The following LDLRAD4 variants were observed in gnomAD, a reference collection of about 807,000 sequenced individuals.
The protein encoded by LDLRAD4 is low-density lipoprotein receptor class A domain-containing protein 4.
A neutral mutation model predicts 17.0 loss-of-function variants in LDLRAD4; 5 were observed. That is an observed-to-expected ratio of 0.29 (90% CI 0.15 to 0.62). LDLRAD4 has a LOEUF of 0.62. Ranked by LOEUF, LDLRAD4 falls within the 20% of genes least tolerant of loss-of-function variation. The pLI is 0.84. For missense variants in LDLRAD4, 340 were observed against 424.7 expected (o/e 0.80, Z 1.75); for synonymous variants, 168 against 171.8 (o/e 0.98, Z 0.17).
At chr18:13,385,242 G>A (rs181463000) in intron 1 of LDLRAD4, among the ~76,000 whole-genome samples, 1 of 152,288 alleles carries the variant, frequency 6.6e-6, no homozygotes, top group Admixed American at 6.5e-5. Context: ...TAGAGATGTT[G>A]AGCATTTTTT....
intron 3 of LDLRAD4, among the ~76,000 whole-genome samples, chr18:13,485,437 A>T (rs1185102448): frequency 6.6e-6 from 1 of 152,198 alleles, no homozygotes; most frequent in Non-Finnish European, 1.5e-5. Context: ...GTTGGGCATG[A>T]TGACCCTGTC....
chr18:13,510,978 A>G (rs548995709), intron 3 of LDLRAD4, among the ~76,000 whole-genome samples: 44 of 152,348 alleles, frequency 2.9e-4, no homozygotes, highest in Non-Finnish European at 5.6e-4. Flanking sequence ...AAAAAATGGA[A>G]TTAAATTCAG....
chr18:13,630,153 GA>G (rs1301152618), intron 4 of LDLRAD4, among the ~76,000 whole-genome samples: 1 of 152,230 alleles, frequency 6.6e-6, no homozygotes, highest in African/African-American at 2.4e-5. Flanking sequence ...CCCAGAAATA[GA>G]AAGGATTCCC....
At chr18:13,352,880 T>C (rs2083127956) in intron 1 of LDLRAD4, among the ~76,000 whole-genome samples, 1 of 152,206 alleles carries the variant, frequency 6.6e-6, no homozygotes. Context: ...TCCTGTAATA[T>C]ATTTTTGAAA....
At chr18:13,514,621 T>G (rs2093835359) in intron 3 of LDLRAD4, 1 of 152,216 alleles carries the variant, frequency 6.6e-6, no homozygotes, top group Non-Finnish European at 1.5e-5. Context: ...ACTATTTAAA[T>G]TCCATATTTG....
At position 13,526,865 on chromosome 18, in the gene LDLRAD4, T is replaced by C. The variant is rs553825869; in HGVS notation, c.181+88481T>C. Among the ~76,000 whole-genome samples, 4 of 152,284 alleles carry C rather than the reference T, an allele frequency of 2.6e-5. No homozygotes were observed. In the South Asian group the frequency reaches 8.3e-4, roughly 32 times the overall value. Reference sequence around the variant, plus strand: ...GTGCTGGTCCAAAGTCCTCCCCTCCTCTCCTCCTCTCTTCCCCTTCTCTTC... The same window carrying C: ...GTGCTGGTCCAAAGTCCTCCCCTCCCCTCCTCCTCTCTTCCCCTTCTCTTC... On this transcript the variant is annotated intron_variant, in intron 3 of 5. Coordinates refer to ENST00000359446, the Ensembl canonical transcript of LDLRAD4.
At chr18:13,557,292 T>C (rs186327051) in intron 3 of LDLRAD4, among the ~76,000 whole-genome samples, 875 of 87,326 alleles carry the variant, frequency 0.01, 8 homozygotes, top group African/African-American at 0.029. Context: ...AGTGAGATCC[T>C]GTCTCAAAAG....
intron 1 of LDLRAD4, among the ~76,000 whole-genome samples, chr18:13,294,229 T>C (rs776671190): frequency 1.9e-4 from 29 of 152,214 alleles, no homozygotes; most frequent in Admixed American, 2.0e-4. Context: ...GAAGTGTGCA[T>C]GGGAAGTGCA....
At chr18:13,415,904 G>A (rs893339041) in intron 2 of LDLRAD4, among the ~76,000 whole-genome samples, 6 of 152,356 alleles carry the variant, frequency 3.9e-5, no homozygotes, top group South Asian at 2.1e-4. Context: ...TCAGTCCCAG[G>A]GGAGAGCCTT....
At chr18:13,596,707 C>T (rs1449079581) in intron 3 of LDLRAD4, among the ~76,000 whole-genome samples, 1 of 152,142 alleles carries the variant, frequency 6.6e-6, no homozygotes, top group Non-Finnish European at 1.5e-5. Context: ...TGAGAACAAG[C>T]ATCTATTTAT....
intron 3 of LDLRAD4, among the ~76,000 whole-genome samples, chr18:13,581,843 T>TGC (rs1192678026): frequency 1.3e-5 from 2 of 152,200 alleles, no homozygotes; most frequent in Non-Finnish European, 2.9e-5. Context: ...TGTGTGTGTG[T>TGC]GCACTGTACA....
chr18:13,610,927 C>T (rs2039491464), intron 3 of LDLRAD4, among the ~76,000 whole-genome samples: 1 of 152,114 alleles, frequency 6.6e-6, no homozygotes, highest in Non-Finnish European at 1.5e-5. Context: ...AGAATCATAC[C>T]ATCCGGATTT....
intron 1 of LDLRAD4, among the ~76,000 whole-genome samples, chr18:13,253,126 T>G (rs2043314356): frequency 6.6e-6 from 1 of 152,132 alleles, no homozygotes; most frequent in South Asian, 2.1e-4. Flanking sequence ...TGGGCCCCAG[T>G]CTCCGAGGAG....
chr18:13,582,839 A>C (rs2094882251), intron 3 of LDLRAD4, among the ~76,000 whole-genome samples: 1 of 152,186 alleles, frequency 6.6e-6, no homozygotes, highest in Non-Finnish European at 1.5e-5. Context: ...CAGCCTCCCA[A>C]GTAGCTAGGA....
intron 1 of LDLRAD4, among the ~76,000 whole-genome samples, chr18:13,353,960 T>C (rs1427063175): frequency 6.6e-6 from 1 of 152,212 alleles, no homozygotes; most frequent in Non-Finnish European, 1.5e-5. Flanking sequence ...AGCCTCCTGG[T>C]CTGCTATTTT....
intron 3 of LDLRAD4, among the ~76,000 whole-genome samples, chr18:13,443,605 C>T (rs1489242668): frequency 6.6e-6 from 1 of 152,088 alleles, no homozygotes; most frequent in African/African-American, 2.4e-5. Flanking sequence ...CAAAGAAGCC[C>T]CAGGCATCGT....
At chr18:13,282,962 T>C (rs1391066993) in intron 1 of LDLRAD4, among the ~76,000 whole-genome samples, 1 of 152,244 alleles carries the variant, frequency 6.6e-6, no homozygotes, top group Non-Finnish European at 1.5e-5. Flanking sequence ...CAACACCATG[T>C]GGAAGCTGCC....
chr18:13,312,269 A>G (rs1232666338), intron 1 of LDLRAD4, among the ~76,000 whole-genome samples: 8 of 152,224 alleles, frequency 5.3e-5, no homozygotes, highest in Admixed American at 1.3e-4. Context: ...TGTAAGGTGT[A>G]TGTGAAACAT....
At chr18:13,642,894 TTTG>T (rs990233781) in intron 4 of LDLRAD4, 6 of 411,300 alleles carry the variant, frequency 1.5e-5, no homozygotes, top group Non-Finnish European at 2.4e-5. Flanking sequence ...CTCCACGTTT[TTTG>T]TTTGTTTGTT....
Sources: allele counts gnomAD v4.1 joint callset (sites outside exome capture counted in the v4.1 genomes callset), GRCh38; gene constraint gnomAD v4.1.1; transcripts MANE v1.5; gene names NCBI Gene and HGNC (gene_info 2026-07-23, HGNC 2026-07-21).